Variants in DYSF observed in about 807,000 individuals in gnomAD.
The protein encoded by DYSF is dystrophy-associated fer-1-like 1.
A neutral mutation model predicts 274.9 loss-of-function variants in DYSF; 212 were observed. The observed-to-expected ratio is 0.77, with a 90% confidence interval of 0.69 to 0.86. The LOEUF (loss-of-function observed/expected upper bound fraction) is 0.86. Ranked by LOEUF, DYSF falls within the 40% of genes least tolerant of loss-of-function variation. DYSF has a pLI of 0.00. For synonymous variants in DYSF, 1,091 were observed against 1,078.7 expected (o/e 1.01, Z -0.22); for missense variants, 2,666 against 2,783.2 (o/e 0.96, Z 0.95).
chr2:71,612,655 G>A lies in DYSF; in HGVS notation c.4236G>A (p.Glu1412=). 1.2e-6 allele frequency: 2 copies of A among 1,614,092 alleles called. No homozygotes were observed. Among genetic ancestry groups the A allele is most frequent in the Non-Finnish European group, 1.7e-6 (2 of 1,179,986 alleles). ...CCTCCACCCAGATGCTGCCCAGGGA[G>A]GAGCTCTACTGCCCCCCCATCACCG... ...TLFMEVMLPR[E]ELYCPPITVK... is the part of the protein sequence containing the mutation. The change falls in exon 39 of 56, where the codon GAG becomes GAA. Residue 1412 remains glutamate (E), a synonymous_variant. Coordinates refer to ENST00000410020, the MANE Select transcript of DYSF (RefSeq NM_001130987.2).
At chr2:71,610,922 G>A (rs2093743901) in intron 36 of DYSF, 2 of 407,542 alleles carry the variant, frequency 4.9e-6, no homozygotes, top group Non-Finnish European at 9.3e-6. Flanking sequence ...TGCTGTGTGC[G>A]TATCAGGGAG....
rs1270799501 is a variant in DYSF, at chr2:71,470,721, TTTCCTTCC to T, written c.91+3796_91+3803del. 4.3e-3 allele frequency among the ~76,000 whole-genome samples: 586 copies of T among 135,842 alleles called. 5 individuals are homozygous for T. Among genetic ancestry groups the T allele is most frequent in the African/African-American group, 0.015 (532 of 34,366 alleles). 89.1% of individuals were successfully genotyped at this position (135,842 alleles called of 152,430 possible). On this transcript the variant is annotated intron_variant, in intron 1 of 55. Coordinates refer to ENST00000410020, the MANE Select transcript of DYSF (RefSeq NM_001130987.2). ...AAAGAGCTTTCTCTTCTCTTCCTTC[TTTCCTTCC>T]TTCCTTCTTTCCTTCCTTCCTTCCT... is the stretch of plus-strand genomic sequence containing the variant.
chr2:71,478,019 C>A (rs1382897140), intron 1 of DYSF, among the ~76,000 whole-genome samples: 1 of 146,552 alleles, frequency 6.8e-6, no homozygotes, highest in Non-Finnish European at 1.5e-5. Context: ...AAAAGTGTCA[C>A]TTTTCCTTTT....
intron 41 of DYSF, among the ~76,000 whole-genome samples, chr2:71,641,381 G>A (rs951811559): frequency 4.5e-4 from 68 of 151,768 alleles, no homozygotes; most frequent in Non-Finnish European, 5.9e-4. Flanking sequence ...GGGTTTCACC[G>A]TGTTAGCCAG....
chr2:71,536,023 G>A (rs551766262), intron 16 of DYSF, among the ~76,000 whole-genome samples: 1 of 152,186 alleles, frequency 6.6e-6, no homozygotes, highest in Admixed American at 6.5e-5. Flanking sequence ...GCTGAGGCCA[G>A]GCTTGAACCC....
chr2:71,572,805 C>T (rs537717712), intron 29 of DYSF, among the ~76,000 whole-genome samples: 7 of 152,224 alleles, frequency 4.6e-5, no homozygotes, highest in Non-Finnish European at 7.3e-5. Flanking sequence ...TGGGAGCTGT[C>T]GATGCTGATG....
At position 71,549,472 on chromosome 2, in the gene DYSF, G is replaced by A. The variant is rs2152784105; in HGVS notation, c.1577-1569G>A. On this transcript the variant is annotated intron_variant, in intron 17 of 55. Transcript: ENST00000410020. Reference sequence around the variant, plus strand: ...AGAGGGGCGAGGGTGCTGGAGGCATGGGGTTTTTGATTTGCCTGAGGTGGG... The same window carrying A: ...AGAGGGGCGAGGGTGCTGGAGGCATAGGGTTTTTGATTTGCCTGAGGTGGG... The A allele has an allele frequency of 9.1e-6, 13 of 1,426,708 alleles. No homozygotes were observed. In the South Asian group the frequency reaches 1.4e-4, roughly 16 times the overall value. The allele number at this position is 1,426,708 out of a possible 1,614,324, so 88.4% of individuals were successfully genotyped here.
chr2:71,539,172 C>T lies in DYSF; in HGVS notation c.1509C>T (p.His503=). The change falls in exon 17 of 56, where the codon CAC becomes CAT. Residue 503 remains histidine (H), a synonymous_variant. Coordinates refer to ENST00000410020, the MANE Select transcript of DYSF (RefSeq NM_001130987.2). ...CTTGCTCTAGGGACCGCCTGACTCACAATGACATCGTGGCTACCACCTACC... is the reference window on the plus strand; with the variant it reads ...CTTGCTCTAGGGACCGCCTGACTCATAATGACATCGTGGCTACCACCTACC... ...IRIIDWDRLT[H]NDIVATTYLS... 6.2e-7 allele frequency: 1 copy of T among 1,614,112 alleles called. No individual in the cohort carries two copies. The highest frequency in any genetic ancestry group is 8.5e-7 in the Non-Finnish European group (1 of 1,180,000).
At chr2:71,611,715 T>G in intron 38 of DYSF, 89 bp downstream of exon 38, 4 of 1,483,906 alleles carry the variant, frequency 2.7e-6, no homozygotes, top group African/African-American at 1.4e-5. Context: ...TGTGCTCCAA[T>G]TCCCTGCGGG....
Position 71,513,869 on chromosome 2 carries a change from G to A in DYSF, c.707G>A (p.Arg236Gln), listed in dbSNP as rs528386282. Reference protein sequence around the residue: ...PPHYPGIKRKRSAPTSRKLLS... With the variant: ...PPHYPGIKRKQSAPTSRKLLS... ...CACTACCCCGGGATCAAAAGAAAGC[G>A]AAGTGCGCCTACATCTAGAAAGCTG... The change falls in exon 7 of 56, where the codon CGA becomes CAA. Residue 236 changes from arginine (R) to glutamine (Q), a missense_variant. Arg to Gln is a conservative substitution (Grantham distance 43). Coordinates refer to ENST00000410020, the MANE Select transcript of DYSF (RefSeq NM_001130987.2). The A allele has an allele frequency of 1.1e-5, 17 of 1,614,218 alleles. No individual in the cohort carries two copies. The highest frequency in any genetic ancestry group is 7.7e-5 in the South Asian group (7 of 91,088).
At chr2:71,496,010 G>T (rs376446094) in intron 3 of DYSF, among the ~76,000 whole-genome samples, 3 of 151,838 alleles carry the variant, frequency 2.0e-5, no homozygotes, top group East Asian at 4.0e-4. Context: ...ATGCAGAGCT[G>T]CACCCTCAGT....
chr2:71,570,458 A>T (rs1334143103), intron 28 of DYSF, 124 bp downstream of exon 28: 4 of 1,403,896 alleles, frequency 2.8e-6, no homozygotes, highest in Non-Finnish European at 4.0e-6. Flanking sequence ...TCTTGAAGGC[A>T]CCCCCCACTC....
At chr2:71,472,561 C>A (rs778963472) in intron 1 of DYSF, among the ~76,000 whole-genome samples, 1 of 152,222 alleles carries the variant, frequency 6.6e-6, no homozygotes, top group Non-Finnish European at 1.5e-5. Flanking sequence ...CGTCCACCAC[C>A]ACGCCAGGCT....
Position 71,513,330 on chromosome 2 carries a change from C to T in DYSF, c.551C>T (p.Thr184Met), listed in dbSNP as rs753529927. ...TCTGGAAAGAAGTGGCCGGCCCCCACGGGTGAGACACGGGCCAGGACTGTC... is the reference window on the plus strand; with the variant it reads ...TCTGGAAAGAAGTGGCCGGCCCCCATGGGTGAGACACGGGCCAGGACTGTC... ...RYSGKKWPAP[T>M]DTGGEEDTED... Residue 184 changes from threonine (T) to methionine (M), a missense_variant and splice_region_variant, in exon 6 of 56, where the codon ACG (threonine) becomes ATG (methionine). Physicochemically the swap from Thr to Met is moderately conservative, Grantham distance 81 (BLOSUM62 -1). Transcript: ENST00000410020. The T allele has an allele frequency of 2.6e-5, 40 of 1,551,442 alleles. No individual in the cohort carries two copies. The highest frequency in any genetic ancestry group is 1.1e-4 in the African/African-American group (8 of 73,022).
chr2:71,574,754 A>G (rs2092644598), intron 30 of DYSF, among the ~76,000 whole-genome samples: 1 of 152,138 alleles, frequency 6.6e-6, no homozygotes, highest in African/African-American at 2.4e-5. Flanking sequence ...CCTTGGTTGC[A>G]TGTGCATCCT....
chr2:71,622,503 A>G (rs1368576472), intron 41 of DYSF, among the ~76,000 whole-genome samples: 3 of 152,220 alleles, frequency 2.0e-5, no homozygotes, highest in Non-Finnish European at 1.5e-5. Context: ...TTATTTAGTC[A>G]TTCATTCTAA....
intron 1 of DYSF, chr2:71,454,130 G>A (rs2152620978): frequency 6.3e-7 from 1 of 1,584,038 alleles, no homozygotes. Context: ...GGGTGGGGTA[G>A]AGGAGGGGAC....
intron 32 of DYSF, among the ~76,000 whole-genome samples, chr2:71,595,900 CCCT>C (rs1373247955): frequency 2.6e-5 from 4 of 152,192 alleles, no homozygotes; most frequent in African/African-American, 9.7e-5. Flanking sequence ...ATCTGCCTCT[CCCT>C]CCTCTTAGCT....
intron 17 of DYSF, among the ~76,000 whole-genome samples, chr2:71,545,723 C>T (rs1473245873): frequency 8.5e-5 from 13 of 152,136 alleles, no homozygotes. Context: ...TGTTTCATGA[C>T]GCTGCAGCCG....
Sources: allele counts gnomAD v4.1 joint callset (sites outside exome capture counted in the v4.1 genomes callset), GRCh38; gene constraint gnomAD v4.1.1; transcripts MANE v1.5; gene names NCBI Gene and HGNC (gene_info 2026-07-23, HGNC 2026-07-21).